TCEA3: variants seen among roughly 807,000 people sequenced by gnomAD.
TCEA3 encodes transcription elongation factor A3.
A neutral mutation model predicts 44.0 loss-of-function variants in TCEA3; 36 were observed. That is an observed-to-expected ratio of 0.82 (90% CI 0.63 to 1.08). The LOEUF is 1.08. Ranked by LOEUF, TCEA3 falls within the 50% of genes least tolerant of loss-of-function variation. The probability of loss-of-function intolerance (pLI) is 0.00; values close to 1 mark genes in which losing one functional copy is unlikely to be tolerated. For missense variants in TCEA3, 392 were observed against 441.2 expected (o/e 0.89, Z 1.00); for synonymous variants, 162 against 159.7 (o/e 1.01, Z -0.11).
chr1:23,383,606 T>C, intron 10 of TCEA3: 6 of 985,428 alleles, frequency 6.1e-6, no homozygotes, highest in Non-Finnish European at 7.2e-6. Flanking sequence ...CTGACTTATC[T>C]TGTACTTCTT....
At chr1:23,422,887 A>T (rs1163503456) in intron 1 of TCEA3, among the ~76,000 whole-genome samples, 1 of 152,166 alleles carries the variant, frequency 6.6e-6, no homozygotes, top group Admixed American at 6.5e-5. Context: ...CGTCCTCTTC[A>T]GCCAGAGCTC....
intron 7 of TCEA3, among the ~76,000 whole-genome samples, chr1:23,395,032 A>G (rs1476906485): frequency 1.3e-5 from 2 of 152,258 alleles, no homozygotes; most frequent in African/African-American, 4.8e-5. Flanking sequence ...GAAGAGCCAT[A>G]TACAATAAAG....
chr1:23,419,160 A>G, intron 1 of TCEA3, 21 bp from the exon 2 acceptor site: 1 of 1,577,764 alleles, frequency 6.3e-7, no homozygotes, highest in Non-Finnish European at 8.6e-7. Flanking sequence ...CCACAAGGTG[A>G]GGACTGGGGC....
intron 1 of TCEA3, among the ~76,000 whole-genome samples, chr1:23,421,510 A>C (rs1640065937): frequency 6.6e-6 from 1 of 152,176 alleles, no homozygotes; most frequent in African/African-American, 2.4e-5. Flanking sequence ...AAGGAAAAAA[A>C]AAAAACTGAC....
chr1:23,407,823 A>G (rs1639585990), intron 5 of TCEA3, among the ~76,000 whole-genome samples: 1 of 152,132 alleles, frequency 6.6e-6, no homozygotes, highest in African/African-American at 2.4e-5. Flanking sequence ...CTCAATAAAT[A>G]TTTGATGACT....
chr1:23,419,765 G>A (rs1640003081), intron 1 of TCEA3, among the ~76,000 whole-genome samples: 1 of 152,194 alleles, frequency 6.6e-6, no homozygotes. Flanking sequence ...GAGCCCAGGA[G>A]ATGGAGGTTA....
chr1:23,400,100 TG>T (rs1639353848), intron 5 of TCEA3, among the ~76,000 whole-genome samples: 1 of 152,156 alleles, frequency 6.6e-6, no homozygotes. Context: ...GAGAGGGAGT[TG>T]GAGAGAAAGG....
At position 23,397,802 on chromosome 1, in the gene TCEA3, C is replaced by T. The variant is rs1201958780; in HGVS notation, c.597G>A (p.Leu199=). ...DKCVEMLSAA[L]KADDDYKDYG... is the part of the protein sequence containing the mutation. ...CCCAGGCTCTCTCACCGTCCGCCTT[C>T]AGGGCTGCTGACAGCATCTCCACAC... is the stretch of plus-strand genomic sequence containing the variant. Residue 199 remains leucine (L), a synonymous_variant, in exon 6 of 11, where the codon CTG becomes CTA. Transcript: ENST00000450454. The T allele has an allele frequency of 1.2e-6, 2 of 1,613,948 alleles. No individual in the cohort carries two copies. Among genetic ancestry groups the T allele is most frequent in the South Asian group, 2.2e-5 (2 of 91,082 alleles).
intron 8 of TCEA3, among the ~76,000 whole-genome samples, chr1:23,390,829 C>T (rs1256828349): frequency 1.3e-5 from 2 of 152,156 alleles, no homozygotes; most frequent in African/African-American, 4.8e-5. Context: ...ATGTACCAGA[C>T]ACTGTTGTCA....
At chr1:23,409,640 T>C (rs1228526273) in intron 4 of TCEA3, among the ~76,000 whole-genome samples, 2 of 152,084 alleles carry the variant, frequency 1.3e-5, no homozygotes, top group Admixed American at 1.3e-4. Context: ...CTCCACCTCC[T>C]GGGTTCAAGT....
At chr1:23,384,662 CTTTTTT>C (rs11341961) in intron 9 of TCEA3, among the ~76,000 whole-genome samples, 4 of 116,480 alleles carry the variant, frequency 3.4e-5, no homozygotes, top group Admixed American at 9.0e-5. Context: ...TGCACTTCCG[CTTTTTT>C]TTTTTTTTTT....
At chr1:23,404,246 G>A (rs1639480034) in intron 5 of TCEA3, 3 of 695,730 alleles carry the variant, frequency 4.3e-6, no homozygotes, top group Non-Finnish European at 7.9e-6. Context: ...GGTATCCTCC[G>A]TGGTCTGCTT....
chr1:23,416,484 G>A (rs897424354), intron 4 of TCEA3, among the ~76,000 whole-genome samples: 1 of 151,884 alleles, frequency 6.6e-6, no homozygotes, highest in Admixed American at 6.6e-5. Context: ...TATAATATAT[G>A]TCTTGGTTTT....
chr1:23,383,748 G>C (rs2298633), intron 10 of TCEA3: 59,107 of 985,610 alleles, frequency 0.06, 2,141 homozygotes, highest in South Asian at 0.2. Context: ...TCCTTCAGGA[G>C]ACTTGGCAGG....
In TCEA3 at chr1:23,384,494, T is replaced by C. The variant is rs1444739984; in HGVS notation, c.967-77A>G. 8 of 1,483,694 alleles carry C rather than the reference T, an allele frequency of 5.4e-6. No individual in the cohort carries two copies. The Admixed American group carries it at 1.5e-4, about 27-fold the overall frequency. 91.9% of individuals were successfully genotyped at this position (1,483,694 alleles called of 1,614,324 possible). A position where few individuals can be genotyped will look rare whatever the true frequency, so the allele number is the denominator to read the frequency against. ...CCATGGCTCCCACTGTCTTTAGGAG[T>C]AGGTCCAAATCCCAGAGGTTGGCAC... On this transcript the variant is annotated intron_variant, in intron 9 of 10. Transcript: ENST00000450454.
intron 5 of TCEA3, among the ~76,000 whole-genome samples, chr1:23,398,846 C>T (rs1054743536): frequency 3.9e-5 from 6 of 152,072 alleles, no homozygotes; most frequent in African/African-American, 1.4e-4. Flanking sequence ...TGGCTCACTA[C>T]AGCCTTGACC....
intron 3 of TCEA3, 123 bp from the exon 4 acceptor site, chr1:23,417,513 C>G: frequency 7.1e-7 from 1 of 1,401,214 alleles, no homozygotes; most frequent in Non-Finnish European, 9.5e-7. Flanking sequence ...TCCCAACACA[C>G]ACACAAACAC....
chr1:23,398,141 T>A (rs982339776), intron 5 of TCEA3, among the ~76,000 whole-genome samples, 186 bp from the exon 6 acceptor site: 1 of 152,148 alleles, frequency 6.6e-6, no homozygotes, highest in African/African-American at 2.4e-5. Context: ...ATGAGGTTGA[T>A]ACTATTCTCA....
chr1:23,396,701 TA>T (rs1404850939), intron 7 of TCEA3, among the ~76,000 whole-genome samples: 1 of 150,638 alleles, frequency 6.6e-6, no homozygotes, highest in Non-Finnish European at 1.5e-5. Flanking sequence ...TATTTGGGAG[TA>T]AAAAAACAGA....
Sources: allele counts gnomAD v4.1 joint callset (sites outside exome capture counted in the v4.1 genomes callset), GRCh38; gene constraint gnomAD v4.1.1; transcripts MANE v1.5; gene names NCBI Gene and HGNC (gene_info 2026-07-23, HGNC 2026-07-21).